The following LRP1B variants were observed in gnomAD, a reference collection of about 807,000 sequenced individuals.
LRP1B encodes low-density lipoprotein receptor-related protein 1B.
A neutral mutation model predicts 556.6 loss-of-function variants in LRP1B; 217 were observed. The observed-to-expected ratio is 0.39, with a 90% confidence interval of 0.35 to 0.44. LRP1B has a LOEUF of 0.44. Ranked by LOEUF, LRP1B falls within the 20% of genes least tolerant of loss-of-function variation. The pLI is 1.00. For missense variants in LRP1B, 5,053 were observed against 5,620.8 expected (o/e 0.90, Z 3.23); for synonymous variants, 2,047 against 1,865.8 (o/e 1.10, Z -2.50).
At chr2:140,431,174 T>A (rs926196183) in intron 66 of LRP1B, among the ~76,000 whole-genome samples, 10 of 152,146 alleles carry the variant, frequency 6.6e-5, no homozygotes, top group African/African-American at 2.2e-4. Context: ...TTTATATCCC[T>A]TACGGTCCTC....
intron 7 of LRP1B, among the ~76,000 whole-genome samples, chr2:141,176,782 G>T (rs1680756903): frequency 6.6e-6 from 1 of 151,884 alleles, no homozygotes; most frequent in Non-Finnish European, 1.5e-5. Flanking sequence ...ACTGAATTTT[G>T]ACTATAAAGA....
chr2:141,969,745 A>G (rs953584992), intron 1 of LRP1B, among the ~76,000 whole-genome samples: 3 of 151,580 alleles, frequency 2.0e-5, no homozygotes, highest in African/African-American at 7.2e-5. Context: ...ACTGATTTCA[A>G]ACCTTTGGGG....
intron 3 of LRP1B, among the ~76,000 whole-genome samples, chr2:141,368,311 C>A (rs561842361): frequency 1.3e-5 from 2 of 152,182 alleles, no homozygotes; most frequent in South Asian, 2.1e-4. Context: ...GGAGATGAGG[C>A]CTTCCTGGAA....
At position 140,650,090 on chromosome 2, in the gene LRP1B, C is replaced by T. The variant is rs191262244; in HGVS notation, c.6800-48451G>A. 4.4e-3 allele frequency among the ~76,000 whole-genome samples: 674 copies of T among 151,768 alleles called. 4 individuals are homozygous for T. The highest frequency in any genetic ancestry group is 0.015 in the African/African-American group (641 of 41,412). ...ATATATATTCTAAAAGTAAGCTACA[C>T]GAAAGAGACAATTTTTCTTAGTGCA... On this transcript the variant is annotated intron_variant, in intron 41 of 90. Coordinates refer to ENST00000389484, the MANE Select transcript of LRP1B (RefSeq NM_018557.3).
At chr2:141,133,784 A>C (rs2105033941) in intron 7 of LRP1B, among the ~76,000 whole-genome samples, 1 of 152,160 alleles carries the variant, frequency 6.6e-6, no homozygotes, top group South Asian at 2.1e-4. Flanking sequence ...AAGAATGGAT[A>C]GATGAATAAT....
rs140766897 is a variant in LRP1B at position 141,147,509 on chromosome 2, G to A, written c.1013+40912C>T. Among the ~76,000 whole-genome samples the A allele has an allele frequency of 1.7e-3, 260 of 152,166 alleles. 2 individuals carry two copies. Among genetic ancestry groups the A allele is most frequent in the African/African-American group, 6.1e-3 (254 of 41,460 alleles). ...CAAAAGTAAAATATGTATTAACAGA[G>A]AGCATTTTTTTTAATAAATAAAAAA... On this transcript the variant is annotated intron_variant, in intron 7 of 90. Coordinates refer to ENST00000389484, the MANE Select transcript of LRP1B (RefSeq NM_018557.3).
chr2:140,425,643 T>C (rs766371494), intron 66 of LRP1B, among the ~76,000 whole-genome samples: 5 of 152,100 alleles, frequency 3.3e-5, no homozygotes, highest in Admixed American at 6.6e-5. Context: ...ACTCCTGACC[T>C]GGTGATCCTG....
chr2:141,249,693 TAAG>T (rs1684193407), intron 4 of LRP1B, among the ~76,000 whole-genome samples: 1 of 151,772 alleles, frequency 6.6e-6, no homozygotes, highest in Non-Finnish European at 1.5e-5. Context: ...AAGAAAAAAA[TAAG>T]AAATGAGAGC....
intron 35 of LRP1B, among the ~76,000 whole-genome samples, chr2:140,763,600 C>T (rs142297922): frequency 2.6e-5 from 4 of 152,204 alleles, no homozygotes; most frequent in East Asian, 3.9e-4. Flanking sequence ...GATCATTGTG[C>T]ATCTTCTTGT....
At chr2:140,394,084 C>T (rs1333262399) in intron 66 of LRP1B, among the ~76,000 whole-genome samples, 6 of 150,056 alleles carry the variant, frequency 4.0e-5, no homozygotes, top group Non-Finnish European at 7.4e-5. Flanking sequence ...AACATATTCT[C>T]TGTCTCCTTT....
chr2:141,887,297 G>T (rs751788923), intron 1 of LRP1B, among the ~76,000 whole-genome samples: 1 of 152,074 alleles, frequency 6.6e-6, no homozygotes, highest in Non-Finnish European at 1.5e-5. Context: ...TGCCCAGCCC[G>T]GAATGGTTGA....
At chr2:141,174,497 T>A (rs1680649904) in intron 7 of LRP1B, among the ~76,000 whole-genome samples, 1 of 152,106 alleles carries the variant, frequency 6.6e-6, no homozygotes, top group Non-Finnish European at 1.5e-5. Flanking sequence ...TGAGATCTGA[T>A]GACACTTTCC....
chr2:140,310,962 TAAA>T (rs1263948601), intron 83 of LRP1B, among the ~76,000 whole-genome samples: 2 of 151,554 alleles, frequency 1.3e-5, no homozygotes, highest in African/African-American at 4.8e-5. Context: ...GAAATATAAA[TAAA>T]AATCACAATG....
At chr2:141,245,659 A>G (rs926433891) in intron 5 of LRP1B, among the ~76,000 whole-genome samples, 3 of 152,202 alleles carry the variant, frequency 2.0e-5, no homozygotes, top group Non-Finnish European at 4.4e-5. Flanking sequence ...GCATTATCTT[A>G]TTGTGACTAG....
intron 8 of LRP1B, among the ~76,000 whole-genome samples, chr2:141,060,272 G>A (rs1457943625): frequency 2.0e-5 from 3 of 151,540 alleles, no homozygotes; most frequent in Non-Finnish European, 4.4e-5. Context: ...TGCTTAGGTC[G>A]GACATAAAAT....
chr2:141,980,937 T>A (rs915393380), intron 1 of LRP1B, among the ~76,000 whole-genome samples: 7 of 152,028 alleles, frequency 4.6e-5, no homozygotes, highest in African/African-American at 1.7e-4. Context: ...AAGAAGCAGG[T>A]TTCCTTCTCT....
At chr2:140,679,744 T>C (rs1299760965) in intron 41 of LRP1B, among the ~76,000 whole-genome samples, 2 of 151,868 alleles carry the variant, frequency 1.3e-5, no homozygotes, top group African/African-American at 4.8e-5. Context: ...TGCCTGAGCA[T>C]AAGGGCTAGA....
intron 83 of LRP1B, among the ~76,000 whole-genome samples, chr2:140,307,811 C>G (rs1397278239): frequency 6.6e-6 from 1 of 151,688 alleles, no homozygotes; most frequent in Non-Finnish European, 1.5e-5. Flanking sequence ...TTGGAATAAT[C>G]AAAGTTCTCA....
At chr2:141,979,675 A>G (rs1320685104) in intron 1 of LRP1B, among the ~76,000 whole-genome samples, 1 of 152,088 alleles carries the variant, frequency 6.6e-6, no homozygotes, top group East Asian at 1.9e-4. Flanking sequence ...ACTGAGAAAT[A>G]CAATGTTGAT....
Sources: allele counts gnomAD v4.1 joint callset (sites outside exome capture counted in the v4.1 genomes callset), GRCh38; gene constraint gnomAD v4.1.1; transcripts MANE v1.5; gene names NCBI Gene and HGNC (gene_info 2026-07-23, HGNC 2026-07-21).